The following TRRAP variants were observed in gnomAD, a reference collection of about 807,000 sequenced individuals.
TRRAP encodes transformation/transcription domain-associated protein.
In TRRAP, 41 loss-of-function variants were observed where a neutral mutation model predicts 438.8. That is an observed-to-expected ratio of 0.09 (90% CI 0.07 to 0.12). TRRAP has a LOEUF of 0.12. Ranked by LOEUF, TRRAP falls within the 10% of genes least tolerant of loss-of-function variation. The pLI, the probability that TRRAP is intolerant of heterozygous loss-of-function variation, is 1.00. For missense variants in TRRAP, 3,122 were observed against 5,055.1 expected (o/e 0.62, Z 11.60); for synonymous variants, 1,994 against 1,962.9 (o/e 1.02, Z -0.42).
chr7:98,936,627 G>C (rs2116541230), intron 28 of TRRAP, among the ~76,000 whole-genome samples: 1 of 152,276 alleles, frequency 6.6e-6, no homozygotes, highest in South Asian at 2.1e-4. Context: ...CCTGTCACTG[G>C]AGGACCAGAG....
chr7:98,994,610 C>T lies in TRRAP; in HGVS notation c.10071C>T (p.Gly3357=). 1 of 1,614,136 alleles carries T rather than the reference C, an allele frequency of 6.2e-7. No individual in the cohort carries two copies. The highest frequency in any genetic ancestry group is 8.5e-7 in the Non-Finnish European group (1 of 1,180,038). Residue 3357 remains glycine, a synonymous_variant, in exon 67 of 73, where the codon GGC becomes GGT. Coordinates refer to ENST00000456197, the MANE Select transcript of TRRAP (RefSeq NM_001375524.1). The surrounding 1 kb of genome is among the most constrained non-coding windows in gnomAD (Gnocchi z 4.8). ...AGGTTCTCAGGCAGCTCCAACAGGG[C>T]CTGGCGAAATGTTACTCCGTGGCGT... ...HEEVLRQLQQ[G]LAKCYSVAFE... is the part of the protein sequence containing the mutation.
In TRRAP at chr7:98,951,661, A is replaced by T. The variant is rs144810406; in HGVS notation, c.5463+657A>T. Among the ~76,000 whole-genome samples the T allele has an allele frequency of 7.2e-5, 11 of 152,338 alleles. No homozygotes were observed. The East Asian group carries it at 1.5e-3, about 21-fold the overall frequency. On this transcript the variant is annotated intron_variant, in intron 39 of 72. Transcript: ENST00000456197. The stretch of plus-strand genomic sequence containing the variant: ...TGAGTGATGGCGTTCCTCATCAGAA[A>T]TACAGATTGCTGGTTTTCTTATCCA...
At chr7:98,891,949 T>G (rs1554404984) in intron 4 of TRRAP, among the ~76,000 whole-genome samples, 1 of 152,180 alleles carries the variant, frequency 6.6e-6, no homozygotes, top group African/African-American at 2.4e-5. Context: ...TATTTGACCT[T>G]TTAGTTGTCA....
chr7:98,967,756 G>C (rs921173561), intron 51 of TRRAP, 58 bp downstream of exon 51: 2 of 1,529,522 alleles, frequency 1.3e-6, no homozygotes, highest in Non-Finnish European at 1.8e-6. Context: ...TCTGAGTTGG[G>C]GCTCCAAAGC....
At chr7:98,986,922 C>T (rs985954183) in intron 62 of TRRAP, among the ~76,000 whole-genome samples, 1 of 152,160 alleles carries the variant, frequency 6.6e-6, no homozygotes, top group Admixed American at 6.5e-5. Flanking sequence ...TGTGGATATA[C>T]GGTTGTCCCA....
rs1554408880 is a variant in TRRAP at position 98,912,112 on chromosome 7, A to G, written c.2098A>G (p.Met700Val). Residue 700 changes from methionine (M) to valine (V), a missense_variant, in exon 18 of 73, where the codon ATG becomes GTG. Physicochemically the swap from Met to Val is conservative, Grantham distance 21. This residue lies in a region of TRRAP where 149 missense variants were observed against 302.8 expected (regional missense o/e 0.49). Transcript: ENST00000456197. ...ATATCTCCTTGATCGCCTGCCAGAAATGGGCTCCAACGTGGAGCTCTCCAA... is the reference window on the plus strand; with the variant it reads ...ATATCTCCTTGATCGCCTGCCAGAAGTGGGCTCCAACGTGGAGCTCTCCAA... ...VEYLLDRLPE[M>V]GSNVELSNLY... 1 of 1,614,210 alleles carries G rather than the reference A, an allele frequency of 6.2e-7. No individual in the cohort carries two copies. The highest frequency in any genetic ancestry group is 2.2e-5 in the East Asian group (1 of 44,874).
chr7:98,925,320 C>T, intron 22 of TRRAP, 57 bp downstream of exon 22: 1 of 1,580,134 alleles, frequency 6.3e-7, no homozygotes, highest in Non-Finnish European at 8.6e-7. Context: ...GGAATTGGGG[C>T]TGCAGAGGGC....
chr7:98,975,065 G>A (rs879345537), intron 53 of TRRAP, among the ~76,000 whole-genome samples: 1 of 152,224 alleles, frequency 6.6e-6, no homozygotes, highest in African/African-American at 2.4e-5. Flanking sequence ...CTAAACTGAC[G>A]TGGAGCTGAG....
At chr7:98,961,914 C>T (rs2116667101) in intron 46 of TRRAP, among the ~76,000 whole-genome samples, 1 of 152,226 alleles carries the variant, frequency 6.6e-6, no homozygotes, top group South Asian at 2.1e-4. Flanking sequence ...GAGCAAAACT[C>T]CATCTCAAAA....
intron 39 of TRRAP, 77 bp downstream of exon 39, chr7:98,951,081 G>GTGTGTA: frequency 7.6e-7 from 1 of 1,316,182 alleles, no homozygotes; most frequent in Non-Finnish European, 9.9e-7. Flanking sequence ...GTGTGTGTGT[G>GTGTGTA]TGTGTGTGTG....
Position 98,949,589 on chromosome 7 carries a change from C to G in TRRAP, c.4953+8C>G. The G allele has an allele frequency of 6.3e-7, 1 of 1,584,630 alleles. No homozygotes were observed. The highest frequency in any genetic ancestry group is 8.6e-7 in the Non-Finnish European group (1 of 1,165,130). ...CAGTTCCAGGCCATCAAGGTAGCGC[C>G]CCTTCCTCCAGCCCCCAATGCCCAG... On this transcript the variant is annotated splice_region_variant and intron_variant, in intron 36 of 72. Transcript: ENST00000456197.
chr7:98,924,704 A>AG (rs1259216401), intron 21 of TRRAP, among the ~76,000 whole-genome samples: 1 of 147,840 alleles, frequency 6.8e-6, no homozygotes, highest in Non-Finnish European at 1.5e-5. Context: ...AAAAAAAAAA[A>AG]AAGGTTCTTC....
chr7:98,883,142 C>A (rs1554403421), intron 3 of TRRAP, among the ~76,000 whole-genome samples: 1 of 152,212 alleles, frequency 6.6e-6, no homozygotes, highest in African/African-American at 2.4e-5. Flanking sequence ...TCCTGCATGT[C>A]CCTCAGACAC....
At chr7:98,986,111 T>C (rs966648053) in intron 62 of TRRAP, among the ~76,000 whole-genome samples, 1 of 152,270 alleles carries the variant, frequency 6.6e-6, no homozygotes, top group Non-Finnish European at 1.5e-5. Context: ...TGTGCTGTCA[T>C]GTATCAGTAA....
chr7:98,997,021 T>C (rs1793693175), intron 67 of TRRAP, among the ~76,000 whole-genome samples: 1 of 152,058 alleles, frequency 6.6e-6, no homozygotes, highest in African/African-American at 2.4e-5. Context: ...AAGAGTATGT[T>C]CTTGGTGGGC....
Position 98,917,636 on chromosome 7 carries a change from T to A in TRRAP, c.2579T>A (p.Phe860Tyr), listed in dbSNP as rs782481025. ...TGTGTGGACAACCTGCAGCCCGACT[T>A]CCTCTACGACCACATCCAGCCGGTG... is the stretch of plus-strand genomic sequence containing the variant. ...ELCVDNLQPD[F>Y]LYDHIQPVRA... The change falls in exon 20 of 73, where the codon TTC becomes TAC. Residue 860 changes from phenylalanine to tyrosine, a missense_variant. Phe to Tyr is a conservative substitution (Grantham distance 22). Transcript: ENST00000456197. 6.2e-7 allele frequency: 1 copy of A among 1,614,172 alleles called. No homozygotes were observed. Among genetic ancestry groups the A allele is most frequent in the South Asian group, 1.1e-5 (1 of 91,078 alleles).
At chr7:98,970,031 G>C in intron 51 of TRRAP, 81 bp from the exon 52 acceptor site, 1 of 1,526,876 alleles carries the variant, frequency 6.5e-7, no homozygotes, top group Non-Finnish European at 8.9e-7. Flanking sequence ...GCCTGAGTGA[G>C]GGGCATCTGG....
At chr7:98,907,826 C>T (rs1185044935) in intron 13 of TRRAP, among the ~76,000 whole-genome samples, 2 of 150,256 alleles carry the variant, frequency 1.3e-5, no homozygotes, top group South Asian at 2.1e-4. Flanking sequence ...ATGCTGGCCC[C>T]TACAGCTCCC....
At position 98,976,080 on chromosome 7, in the gene TRRAP, T is replaced by A; in HGVS notation, c.7840-69T>A. 6.3e-7 allele frequency: 1 copy of A among 1,590,430 alleles called. No homozygotes were observed. The highest frequency in any genetic ancestry group is 2.2e-5 in the East Asian group (1 of 44,522). ...ATGTATGAGACAGATCATGGGTGTC[T>A]TCTGAGCGTGGTTGTGCGAGGCACC... On this transcript the variant is annotated intron_variant, in intron 53 of 72. Coordinates refer to ENST00000456197, the MANE Select transcript of TRRAP (RefSeq NM_001375524.1). The surrounding 1 kb of genome is among the most constrained non-coding windows in gnomAD (Gnocchi z 4.6).
Sources: gnomAD v4.1 joint callset for allele counts (sites outside exome capture counted in the v4.1 genomes callset) on GRCh38, gnomAD v4.1.1 for gene constraint, gnomAD v4.1.1 regional missense constraint, Gnocchi (gnomAD v3.1) non-coding constraint, MANE v1.5 for transcripts, NCBI Gene and HGNC (gene_info 2026-07-23, HGNC 2026-07-21) for gene names.